The following ANKRD30A variants were observed in gnomAD, a reference collection of about 807,000 sequenced individuals.
ANKRD30A encodes the protein ankyrin repeat domain 30A.
In ANKRD30A, 170 loss-of-function variants were observed where a neutral mutation model predicts 166.3. The ratio of observed to expected loss-of-function variants is 1.02; its 90% CI spans 0.90 to 1.16. The LOEUF is 1.16. ANKRD30A is among the 50% of genes most tolerant of loss of function. The pLI is 0.00. For synonymous variants in ANKRD30A, 564 were observed against 508.9 expected (o/e 1.11, Z -1.46); for missense variants, 1,630 against 1,518.0 (o/e 1.07, Z -1.23).
At chr10:37,155,056 A>G (rs1207283846) in intron 13 of ANKRD30A, among the ~76,000 whole-genome samples, 1 of 152,184 alleles carries the variant, frequency 6.6e-6, no homozygotes, top group Non-Finnish European at 1.5e-5. Flanking sequence ...TCATTAGCAA[A>G]TAACATGATA....
At chr10:37,149,936 T>C in intron 11 of ANKRD30A, 87 bp downstream of exon 11, 1 of 1,549,100 alleles carries the variant, frequency 6.5e-7, no homozygotes, top group Non-Finnish European at 8.8e-7. Flanking sequence ...CTTTATTTTT[T>C]TCAACTTTGA....
the ANKRD30A span, among the ~76,000 whole-genome samples, chr10:37,257,164 G>C: frequency 6.6e-6 from 1 of 151,828 alleles, no homozygotes; most frequent in Non-Finnish European, 1.5e-5. Flanking sequence ...TCTTCTATAT[G>C]TTCTAGTTTA....
At chr10:37,127,092 A>AAAAATT (rs1836083565) in intron 1 of ANKRD30A, among the ~76,000 whole-genome samples, 1 of 147,042 alleles carries the variant, frequency 6.8e-6, no homozygotes, top group African/African-American at 2.5e-5. Flanking sequence ...AAAATCACAA[A>AAAAATT]TTGTTCGCTA....
At chr10:37,215,379 T>A (rs1348148861) in intron 31 of ANKRD30A, among the ~76,000 whole-genome samples, 2 of 151,432 alleles carry the variant, frequency 1.3e-5, no homozygotes, top group East Asian at 3.9e-4. Context: ...ATGCAATCTT[T>A]ATTATTTTGC....
chr10:37,196,093 ATTT>A lies in ANKRD30A; in HGVS notation c.2615-1171_2615-1169del, dbSNP rs749036981. Among the ~76,000 whole-genome samples, 5 of 129,446 alleles carry A rather than the reference ATTT, an allele frequency of 3.9e-5. No homozygotes were observed. The East Asian group carries it at 8.8e-4, about 23-fold the overall frequency. 84.9% of individuals were successfully genotyped at this position (129,446 alleles called of 152,430 possible). A position where few individuals can be genotyped will look rare whatever the true frequency, so the allele number is the denominator to read the frequency against. Reference sequence around the variant, plus strand: ...AGTTAGAGGTTTTTTTATATTTTCTATTTTTTTTTTTTTTTTTTTGTAGTAGAA... The same window carrying A: ...AGTTAGAGGTTTTTTTATATTTTCTATTTTTTTTTTTTTTTTGTAGTAGAA... On this transcript the variant is annotated intron_variant, in intron 27 of 35. Coordinates refer to ENST00000361713, the MANE Select transcript of ANKRD30A (RefSeq NM_052997.3).
chr10:37,197,400 C>T lies in ANKRD30A; in HGVS notation c.2644-8C>T. 6.2e-7 allele frequency: 1 copy of T among 1,612,456 alleles called. No homozygotes were observed. The highest frequency in any genetic ancestry group is 8.5e-7 in the Non-Finnish European group (1 of 1,179,712). On this transcript the variant is annotated splice_region_variant and splice_polypyrimidine_tract_variant and intron_variant, in intron 28 of 35. Coordinates refer to ENST00000361713, the MANE Select transcript of ANKRD30A (RefSeq NM_052997.3). ...TTTATTAATCATTTTGCTTCCAACC[C>T]CATTTAGCCTGCCATTGAAATGCAA...
chr10:37,166,409 T>G (rs868573546), intron 18 of ANKRD30A, among the ~76,000 whole-genome samples, 196 bp from the exon 19 acceptor site: 1,013 of 142,508 alleles, frequency 7.1e-3, no homozygotes, highest in South Asian at 0.01. Flanking sequence ...AACGTAAAGA[T>G]GAGCTTGATG....
At chr10:37,136,554 T>C (rs542649996) in intron 5 of ANKRD30A, 53 bp from the exon 6 acceptor site, 23 of 835,530 alleles carry the variant, frequency 2.8e-5, no homozygotes, top group African/African-American at 2.7e-4. Flanking sequence ...TAAATGTTTT[T>C]TATAAAGTCA....
Position 37,141,716 on chromosome 10 carries a change from A to G in ANKRD30A, c.821-2A>G. Reference sequence around the variant, plus strand: ...AATTTAACCAGATTGTGTGTTTGGCAGAAGGAACATCTGCAGGAACACCTG... The same window carrying G: ...AATTTAACCAGATTGTGTGTTTGGCGGAAGGAACATCTGCAGGAACACCTG... On this transcript the variant is annotated splice_acceptor_variant, in intron 6 of 35. Coordinates refer to ENST00000361713, the MANE Select transcript of ANKRD30A (RefSeq NM_052997.3). LOFTEE classifies it high-confidence loss of function. 1 of 1,611,816 alleles carries G rather than the reference A, an allele frequency of 6.2e-7. No individual in the cohort carries two copies. The highest frequency in any genetic ancestry group is 8.5e-7 in the Non-Finnish European group (1 of 1,179,810).
At chr10:37,202,364 G>A (rs1028414358) in intron 31 of ANKRD30A, among the ~76,000 whole-genome samples, 4 of 152,058 alleles carry the variant, frequency 2.6e-5, no homozygotes, top group African/African-American at 4.8e-5. Flanking sequence ...CATGGAAACT[G>A]AACAACCTCC....
downstream of ANKRD30A, among the ~76,000 whole-genome samples, chr10:37,234,696 G>A (rs548667230): frequency 6.6e-6 from 1 of 152,194 alleles, no homozygotes; most frequent in East Asian, 1.9e-4. Flanking sequence ...TGGACTTCTG[G>A]TGCATTACTG....
chr10:37,228,320 A>T (rs542874644), intron 34 of ANKRD30A, among the ~76,000 whole-genome samples: 2 of 152,118 alleles, frequency 1.3e-5, no homozygotes, highest in East Asian at 3.9e-4. Context: ...ATATAGACAA[A>T]CTTGAAGTAC....
intron 34 of ANKRD30A, among the ~76,000 whole-genome samples, chr10:37,231,238 T>C (rs1843399579): frequency 6.6e-6 from 1 of 152,080 alleles, no homozygotes; most frequent in South Asian, 2.1e-4. Flanking sequence ...AAAAAACTTT[T>C]TGTTAGAAAT....
chr10:37,140,356 G>T (rs185638247), intron 6 of ANKRD30A, among the ~76,000 whole-genome samples: 1 of 152,274 alleles, frequency 6.6e-6, no homozygotes. Flanking sequence ...TGCTTTCCTG[G>T]TGCCATAAAC....
At position 37,193,243 on chromosome 10, in the gene ANKRD30A, C is replaced by A. The variant is rs1231863849; in HGVS notation, c.2599C>A (p.Gln867Lys). Residue 867 changes from glutamine (Q) to lysine (K), a missense_variant, in exon 27 of 36, where the codon CAA becomes AAA. By Grantham distance (53) the Gln-to-Lys change is moderately conservative. This residue lies in a region of ANKRD30A where 712 missense variants were observed against 629.3 expected (regional missense o/e 1.13). Transcript: ENST00000361713. Reference sequence around the variant, plus strand: ...TAAAGCCTTAGAATTGATGGACATGCAAACTTTCAAAGCAGGTAAATTTTG... The same window carrying A: ...TAAAGCCTTAGAATTGATGGACATGAAAACTTTCAAAGCAGGTAAATTTTG... ...PTKALELMDM[Q>K]TFKAEPPEKP... The A allele has an allele frequency of 1.2e-6, 2 of 1,610,414 alleles. No homozygotes were observed. The highest frequency in any genetic ancestry group is 2.2e-5 in the East Asian group (1 of 44,590).
At chr10:37,151,358 T>A (rs532588641) in intron 11 of ANKRD30A, among the ~76,000 whole-genome samples, 1 of 152,226 alleles carries the variant, frequency 6.6e-6, no homozygotes, top group African/African-American at 2.4e-5. Context: ...CTTAAGGCAA[T>A]TATATTTTCC....
the ANKRD30A span, among the ~76,000 whole-genome samples, chr10:37,253,260 C>G: frequency 2.0e-5 from 3 of 152,128 alleles, no homozygotes; most frequent in Admixed American, 2.0e-4. Flanking sequence ...TCTGTGCTGT[C>G]CAATACAATA....
At chr10:37,172,101 G>A (rs1375566645) in intron 21 of ANKRD30A, among the ~76,000 whole-genome samples, 3 of 136,288 alleles carry the variant, frequency 2.2e-5, no homozygotes, top group African/African-American at 5.8e-5. Context: ...ATGCCAGCAC[G>A]TTGGGAGGCC....
At chr10:37,258,153 T>C in the ANKRD30A span, among the ~76,000 whole-genome samples, 1 of 152,182 alleles carries the variant, frequency 6.6e-6, no homozygotes, top group Non-Finnish European at 1.5e-5. Flanking sequence ...GATATAAGTA[T>C]CATGTACATT....
Sources: allele counts gnomAD v4.1 joint callset (sites outside exome capture counted in the v4.1 genomes callset), GRCh38; gene constraint gnomAD v4.1.1; regional missense constraint gnomAD v4.1.1; transcripts MANE v1.5; gene names NCBI Gene and HGNC (gene_info 2026-07-23, HGNC 2026-07-21).